Variants in PTPN2 observed in about 807,000 individuals in gnomAD.
PTPN2 encodes tyrosine-protein phosphatase non-receptor type 2.
A neutral mutation model predicts 57.3 loss-of-function variants in PTPN2; 19 were observed. The ratio of observed to expected loss-of-function variants is 0.33; its 90% confidence interval spans 0.23 to 0.49. PTPN2 has a LOEUF of 0.49. PTPN2 is among the 20% of genes least tolerant of loss of function. The probability of loss-of-function intolerance (pLI) is 0.99; values close to 1 mark genes in which losing one functional copy is unlikely to be tolerated. For synonymous variants in PTPN2, 153 were observed against 164.9 expected, an observed-to-expected ratio of 0.93 and a Z score of 0.55; for missense variants, 358 against 501.1, an observed-to-expected ratio of 0.71 and a Z score of 2.73.
intron 1 of PTPN2, among the ~76,000 whole-genome samples, chr18:12,867,164 A>G (rs989872081): frequency 6.6e-6 from 1 of 152,058 alleles, no homozygotes; most frequent in African/African-American, 2.4e-5. Flanking sequence ...CATAATAAAT[A>G]AAAATAAAGC....
intron 1 of PTPN2, among the ~76,000 whole-genome samples, chr18:12,878,679 G>C (rs1186906187): frequency 6.6e-6 from 1 of 152,004 alleles, no homozygotes; most frequent in African/African-American, 2.4e-5. Flanking sequence ...TTCAAAAAAA[G>C]AAAAATGAAG....
At chr18:12,857,383 G>A (rs2043630085) in intron 2 of PTPN2, among the ~76,000 whole-genome samples, 2 of 152,142 alleles carry the variant, frequency 1.3e-5, no homozygotes, top group African/African-American at 4.8e-5. Context: ...TGGATGGACT[G>A]TATTGTTTCA....
intron 1 of PTPN2, among the ~76,000 whole-genome samples, chr18:12,879,735 C>T (rs569957424): frequency 1.7e-4 from 26 of 152,130 alleles, no homozygotes; most frequent in Non-Finnish European, 2.9e-4. Flanking sequence ...TCATTTTTCC[C>T]GCTAGAATTT....
At chr18:12,868,128 G>A (rs112899130) in intron 1 of PTPN2, among the ~76,000 whole-genome samples, 30 of 152,292 alleles carry the variant, frequency 2.0e-4, no homozygotes, top group African/African-American at 9.6e-5. Context: ...TTACCACTGC[G>A]CTTTGGTCAC....
downstream of PTPN2, chr18:12,788,186 A>G (rs999364035): frequency 1.3e-5 from 2 of 154,830 alleles, no homozygotes; most frequent in Admixed American, 6.5e-5. Flanking sequence ...ACAATAAAGA[A>G]TAACTTGATG....
At position 12,794,230 on chromosome 18, in the gene PTPN2, A is replaced by G; in HGVS notation, c.*48T>C. ...GCAGACAAACCCCTATGATTAATGT[A>G]GCACTGTCAGTTACTAGTGCAGAAG... is the stretch of plus-strand genomic sequence containing the variant. On this transcript the variant is annotated 3_prime_UTR_variant, in exon 9 of 9. Coordinates refer to ENST00000309660, the MANE Select transcript of PTPN2 (RefSeq NM_002828.4). 2 of 1,611,390 alleles carry G rather than the reference A, an allele frequency of 1.2e-6. No individual in the cohort carries two copies. Among genetic ancestry groups the G allele is most frequent in the South Asian group, 1.1e-5 (1 of 90,778 alleles).
intron 1 of PTPN2, among the ~76,000 whole-genome samples, chr18:12,870,156 T>G (rs971333222): frequency 6.7e-6 from 1 of 149,680 alleles, no homozygotes; most frequent in South Asian, 2.1e-4. Flanking sequence ...TTTATGTGTG[T>G]TATCTAAGAG....
intron 1 of PTPN2, among the ~76,000 whole-genome samples, chr18:12,874,797 T>C (rs1001564147): frequency 6.6e-6 from 1 of 152,166 alleles, no homozygotes; most frequent in African/African-American, 2.4e-5. Context: ...CCACCCTGTC[T>C]GGGAGGTGTG....
intron 5 of PTPN2, among the ~76,000 whole-genome samples, chr18:12,821,630 C>T (rs1462510587): frequency 6.6e-6 from 1 of 152,210 alleles, no homozygotes; most frequent in Non-Finnish European, 1.5e-5. Flanking sequence ...TAGGGACAGG[C>T]TTGCATTCTC....
At chr18:12,829,244 G>T (rs1458448481) in intron 4 of PTPN2, among the ~76,000 whole-genome samples, 1 of 152,108 alleles carries the variant, frequency 6.6e-6, no homozygotes, top group Non-Finnish European at 1.5e-5. Flanking sequence ...AGCTGGGTGA[G>T]GTGGCTCACG....
At chr18:12,831,147 C>T (rs1487686317) in intron 3 of PTPN2, 106 bp from the exon 4 acceptor site, 18 of 660,862 alleles carry the variant, frequency 2.7e-5, no homozygotes, top group South Asian at 1.0e-4. Flanking sequence ...AGACAGACAG[C>T]GGACGGGCTT....
intron 1 of PTPN2, among the ~76,000 whole-genome samples, chr18:12,879,088 T>C (rs1294394289): frequency 3.3e-5 from 5 of 152,178 alleles, no homozygotes; most frequent in Admixed American, 1.3e-4. Context: ...AAAGTCAGAA[T>C]TAACCTCACA....
chr18:12,794,238 C>A lies in PTPN2; in HGVS notation c.*40G>T, dbSNP rs2041078206. 1.2e-6 allele frequency: 2 copies of A among 1,612,302 alleles called. No individual in the cohort carries two copies. Among genetic ancestry groups the A allele is most frequent in the African/African-American group, 2.7e-5 (2 of 74,750 alleles). ...ACCCCTATGATTAATGTAGCACTGT[C>A]AGTTACTAGTGCAGAAGCTTGCTGG... On this transcript the variant is annotated 3_prime_UTR_variant, in exon 9 of 9. Transcript: ENST00000309660.
chr18:12,852,880 T>TA (rs1000877417), intron 2 of PTPN2, among the ~76,000 whole-genome samples: 1 of 152,232 alleles, frequency 6.6e-6, no homozygotes, highest in Non-Finnish European at 1.5e-5. Context: ...TCTGAATTTT[T>TA]AAAAAATTCT....
chr18:12,799,570 C>T (rs1218769323), intron 8 of PTPN2, among the ~76,000 whole-genome samples: 3 of 151,040 alleles, frequency 2.0e-5, no homozygotes, highest in African/African-American at 7.4e-5. Flanking sequence ...ACACCCTGAT[C>T]CTATGCTCTT....
chr18:12,849,346 G>A (rs1458911505), intron 2 of PTPN2, among the ~76,000 whole-genome samples: 1 of 152,186 alleles, frequency 6.6e-6, no homozygotes, highest in East Asian at 1.9e-4. Flanking sequence ...ATCACCTGAG[G>A]TCAGGAGCTC....
intron 8 of PTPN2, among the ~76,000 whole-genome samples, chr18:12,795,792 A>G (rs751943805): frequency 8.5e-5 from 13 of 152,284 alleles, no homozygotes; most frequent in Admixed American, 4.6e-4. Flanking sequence ...ATGGCAACAT[A>G]TAGGTTACTA....
intron 1 of PTPN2, among the ~76,000 whole-genome samples, chr18:12,860,383 G>A (rs11665558): frequency 6.6e-6 from 1 of 151,996 alleles, no homozygotes; most frequent in African/African-American, 2.4e-5. Context: ...TGGATCACGA[G>A]GTCAGGAGTT....
intron 1 of PTPN2, among the ~76,000 whole-genome samples, chr18:12,881,727 T>C (rs1179368865): frequency 1.3e-5 from 2 of 152,156 alleles, no homozygotes; most frequent in Non-Finnish European, 2.9e-5. Context: ...TCGAGAAGCT[T>C]CACCAGAACT....
Sources: allele counts gnomAD v4.1 joint callset (sites outside exome capture counted in the v4.1 genomes callset), GRCh38; gene constraint gnomAD v4.1.1; transcripts MANE v1.5; gene names NCBI Gene and HGNC (gene_info 2026-07-23, HGNC 2026-07-21).